EXOC4: variants seen among roughly 807,000 people sequenced by gnomAD.
EXOC4 encodes the protein SEC8-like 1.
Under a neutral mutation model 107.2 loss-of-function variants are expected in EXOC4, and 71 were observed. The ratio of observed to expected loss-of-function variants is 0.66; its 90% CI spans 0.55 to 0.81. The LOEUF is 0.81. Among genes scored for constraint, EXOC4 ranks in the 30% least tolerant of loss-of-function variants. The pLI, the probability that EXOC4 is intolerant of heterozygous loss-of-function variation, is 0.00. For synonymous variants in EXOC4, 456 were observed against 441.2 expected (o/e 1.03, Z -0.42); for missense variants, 1,108 against 1,189.6 (o/e 0.93, Z 1.01).
chr7:133,739,222 TTGTG>T lies in EXOC4; in HGVS notation c.1515-78065_1515-78062del, dbSNP rs72444310. 6.2e-3 allele frequency among the ~76,000 whole-genome samples: 888 copies of T among 142,394 alleles called. 8 individuals carry two copies. The highest frequency in any genetic ancestry group is 0.02 in the Admixed American group (286 of 14,172). The allele number at this position is 142,394 out of a possible 152,430, so 93.4% of individuals were successfully genotyped here. A position where few individuals can be genotyped will look rare whatever the true frequency, so the allele number is the denominator to read the frequency against. On this transcript the variant is annotated intron_variant, in intron 10 of 17. Coordinates refer to ENST00000253861, the MANE Select transcript of EXOC4 (RefSeq NM_021807.4). The stretch of plus-strand genomic sequence containing the variant: ...CTTACAGAAGCACATGTAGAGGGGT[TTGTG>T]TGTGTGTGTGTGTGTGTGTGTGTGT...
At chr7:133,521,327 A>C (rs992347916) in intron 9 of EXOC4, among the ~76,000 whole-genome samples, 9 of 152,164 alleles carry the variant, frequency 5.9e-5, no homozygotes, top group Non-Finnish European at 8.8e-5. Flanking sequence ...GGAGAAAAAA[A>C]CAAATTTTTC....
chr7:133,271,847 G>A (rs765951538), intron 1 of EXOC4, among the ~76,000 whole-genome samples: 3 of 152,070 alleles, frequency 2.0e-5, no homozygotes, highest in Non-Finnish European at 4.4e-5. Context: ...CTTAGCTTTC[G>A]AGTAGAATAA....
At chr7:133,347,469 C>G (rs1044102583) in intron 5 of EXOC4, among the ~76,000 whole-genome samples, 1 of 151,810 alleles carries the variant, frequency 6.6e-6, no homozygotes, top group African/African-American at 2.4e-5. Context: ...GTCTCGATCT[C>G]TTGACCTCTT....
chr7:133,631,798 C>A (rs1164326655), intron 10 of EXOC4, among the ~76,000 whole-genome samples: 1 of 151,936 alleles, frequency 6.6e-6, no homozygotes, highest in East Asian at 1.9e-4. Flanking sequence ...TTAGTTTTCA[C>A]TGTCTTCTTC....
At chr7:133,452,526 C>T (rs956736302) in intron 7 of EXOC4, among the ~76,000 whole-genome samples, 15 of 150,008 alleles carry the variant, frequency 1.0e-4, no homozygotes, top group African/African-American at 3.4e-4. Flanking sequence ...CATCTACCCC[C>T]AATAGCCTCT....
intron 9 of EXOC4, among the ~76,000 whole-genome samples, chr7:133,599,212 C>T (rs1801750700): frequency 6.6e-6 from 1 of 152,120 alleles, no homozygotes. Context: ...ATGTGACCCA[C>T]GTTATAGTTC....
At chr7:133,576,292 A>G (rs1023834128) in intron 9 of EXOC4, among the ~76,000 whole-genome samples, 4 of 152,150 alleles carry the variant, frequency 2.6e-5, no homozygotes, top group Admixed American at 6.5e-5. Context: ...AATTACACAT[A>G]TGGCCTAGAA....
At chr7:133,431,217 C>A (rs1584912215) in intron 7 of EXOC4, among the ~76,000 whole-genome samples, 1 of 152,166 alleles carries the variant, frequency 6.6e-6, no homozygotes, top group East Asian at 1.9e-4. Context: ...TGACCTGATA[C>A]AGAATTTTCT....
chr7:133,311,240 T>TG (rs1379020413), intron 4 of EXOC4, among the ~76,000 whole-genome samples: 61 of 152,052 alleles, frequency 4.0e-4, no homozygotes, highest in East Asian at 3.3e-3. Flanking sequence ...AGGGAGGTTA[T>TG]GAGGGGGGCA....
chr7:133,880,012 A>G (rs1045364828), intron 11 of EXOC4, among the ~76,000 whole-genome samples: 4 of 152,144 alleles, frequency 2.6e-5, no homozygotes, highest in Admixed American at 6.5e-5. Flanking sequence ...CCTAACTGCT[A>G]CACATGACCA....
At chr7:133,324,573 GACAGTT>G (rs1165720158) in intron 5 of EXOC4, among the ~76,000 whole-genome samples, 1 of 152,184 alleles carries the variant, frequency 6.6e-6, no homozygotes, top group African/African-American at 2.4e-5. Context: ...TTGTCTGAGA[GACAGTT>G]TGTTGTGATT....
intron 10 of EXOC4, among the ~76,000 whole-genome samples, chr7:133,780,671 C>A (rs1796446580): frequency 6.6e-6 from 1 of 151,996 alleles, no homozygotes; most frequent in Non-Finnish European, 1.5e-5. Flanking sequence ...CAGGAGTGGG[C>A]CAGTTCAGGT....
At chr7:134,041,930 C>T (rs1410929208) in intron 17 of EXOC4, among the ~76,000 whole-genome samples, 2 of 152,174 alleles carry the variant, frequency 1.3e-5, no homozygotes, top group African/African-American at 4.8e-5. Context: ...TCATTTCCAT[C>T]TTCTCCCACT....
At chr7:133,608,225 C>T (rs1479359574) in intron 9 of EXOC4, among the ~76,000 whole-genome samples, 1 of 151,854 alleles carries the variant, frequency 6.6e-6, no homozygotes, top group Non-Finnish European at 1.5e-5. Context: ...TACATTTTCC[C>T]TTGAAAAAAC....
intron 7 of EXOC4, among the ~76,000 whole-genome samples, chr7:133,416,814 G>T (rs1245614340): frequency 6.6e-6 from 1 of 152,158 alleles, no homozygotes. Context: ...AGGGAGGGAA[G>T]CTAAGCCGAT....
At chr7:133,349,843 T>TC (rs1178496113) in intron 5 of EXOC4, among the ~76,000 whole-genome samples, 1 of 152,018 alleles carries the variant, frequency 6.6e-6, no homozygotes, top group African/African-American at 2.4e-5. Context: ...ATTTCCTGTT[T>TC]TTTTTTGGGG....
At position 133,254,747 on chromosome 7, in the gene EXOC4, A is replaced by G. The variant is rs1257580897; in HGVS notation, c.86+1560A>G. On this transcript the variant is annotated intron_variant, in intron 1 of 17. Transcript: ENST00000253861. ...AAAACATGTCAGTAAAAATGATGAC[A>G]TAAGACTACGAGAGAGACATGAAAT... Among the ~76,000 whole-genome samples, 6 of 152,352 alleles carry G rather than the reference A, an allele frequency of 3.9e-5. No individual in the cohort carries two copies. In the East Asian group the frequency reaches 7.7e-4, roughly 20 times the overall value.
At chr7:133,647,881 G>A (rs1405871752) in intron 10 of EXOC4, among the ~76,000 whole-genome samples, 2 of 152,072 alleles carry the variant, frequency 1.3e-5, no homozygotes, top group Non-Finnish European at 2.9e-5. Flanking sequence ...TGATTTTTCT[G>A]TTAAAAAAAT....
At chr7:133,629,978 A>G in intron 9 of EXOC4, 67 bp from the exon 10 acceptor site, 2 of 1,140,016 alleles carry the variant, frequency 1.8e-6, no homozygotes, top group South Asian at 2.5e-5. Flanking sequence ...TCATCTAGAT[A>G]TGCTTGGTTT....
Sources: allele counts gnomAD v4.1 joint callset (sites outside exome capture counted in the v4.1 genomes callset), GRCh38; gene constraint gnomAD v4.1.1; transcripts MANE v1.5; gene names NCBI Gene and HGNC (gene_info 2026-07-23, HGNC 2026-07-21).